Variants in CSMD3 observed in about 807,000 individuals in gnomAD.
CSMD3 encodes CUB and Sushi multiple domains 3.
CSMD3 carries 177 observed loss-of-function variants against 435.2 expected under a neutral mutation model. That is an observed-to-expected ratio of 0.41 (90% CI 0.36 to 0.46). The LOEUF is 0.46. Ranked by LOEUF, CSMD3 falls within the 20% of genes least tolerant of loss-of-function variation. CSMD3 has a pLI of 0.34. For missense variants in CSMD3, 4,265 were observed against 4,504.6 expected (o/e 0.95, Z 1.52); for synonymous variants, 1,656 against 1,520.5 (o/e 1.09, Z -2.07).
chr8:112,637,682 A>G (rs2074701040), intron 21 of CSMD3, among the ~76,000 whole-genome samples: 1 of 152,138 alleles, frequency 6.6e-6, no homozygotes, highest in Admixed American at 6.6e-5. Context: ...AAGAAGAAGT[A>G]GCTTATCTAA....
At chr8:112,758,815 T>C (rs2132137431) in intron 13 of CSMD3, among the ~76,000 whole-genome samples, 1 of 152,302 alleles carries the variant, frequency 6.6e-6, no homozygotes, top group South Asian at 2.1e-4. Context: ...AAGTGTTTGA[T>C]GAATACTAGT....
At chr8:112,355,172 C>G (rs1193509125) in intron 38 of CSMD3, among the ~76,000 whole-genome samples, 1 of 152,158 alleles carries the variant, frequency 6.6e-6, no homozygotes, top group African/African-American at 2.4e-5. Flanking sequence ...AAATAGACAC[C>G]TATCTCTCAC....
chr8:112,511,636 C>A lies in CSMD3; in HGVS notation c.4757-4807G>T, dbSNP rs1823150726. ...CGATTTCCTGACCTTGTGATCCGCT[C>A]GTCTCGGCCTCCCAAAGTGCTGGGA... On this transcript the variant is annotated intron_variant, in intron 28 of 70. Transcript: ENST00000297405. Among the ~76,000 whole-genome samples, 3 of 151,952 alleles carry A rather than the reference C, an allele frequency of 2.0e-5. No homozygotes were observed. The South Asian group carries it at 6.2e-4, about 32-fold the overall frequency.
At chr8:112,779,254 G>A (rs1176393118) in intron 13 of CSMD3, among the ~76,000 whole-genome samples, 1 of 151,420 alleles carries the variant, frequency 6.6e-6, no homozygotes, top group African/African-American at 2.4e-5. Flanking sequence ...TAATATGTGG[G>A]TTAATCTTTG....
intron 4 of CSMD3, among the ~76,000 whole-genome samples, chr8:113,162,211 A>AG (rs2092054606): frequency 6.6e-6 from 1 of 152,112 alleles, no homozygotes; most frequent in African/African-American, 2.4e-5. Flanking sequence ...CAAAGATTAG[A>AG]GAAAAAATGG....
rs183698744 is a variant in CSMD3, at chr8:112,939,596, A to G, written c.1508+8194T>C. Among the ~76,000 whole-genome samples the G allele has an allele frequency of 5.9e-5, 9 of 152,202 alleles. No homozygotes were observed. The East Asian group carries it at 1.4e-3, about 23-fold the overall frequency. On this transcript the variant is annotated intron_variant, in intron 9 of 70. Coordinates refer to ENST00000297405, the MANE Select transcript of CSMD3 (RefSeq NM_198123.2). The stretch of plus-strand genomic sequence containing the variant: ...ATCCCACGCTTTTACAGATGCAATG[A>G]CATACTTGTTTTGTAAAAAATACTA...
At chr8:112,672,016 A>G (rs1329449008) in intron 16 of CSMD3, among the ~76,000 whole-genome samples, 1 of 152,044 alleles carries the variant, frequency 6.6e-6, no homozygotes, top group Non-Finnish European at 1.5e-5. Flanking sequence ...ATTCTATGTG[A>G]TATTATATCT....
Position 112,830,739 on chromosome 8 carries a change from T to A in CSMD3, c.1756-950A>T, listed in dbSNP as rs577377629. On this transcript the variant is annotated intron_variant, in intron 11 of 70. Transcript: ENST00000297405. ...GCTACTTTGTTATTATAAAAATAAT[T>A]AAAAATAAAGGAATTTATATCTTGG... is the stretch of plus-strand genomic sequence containing the variant. 3.2e-3 allele frequency among the ~76,000 whole-genome samples: 486 copies of A among 151,796 alleles called. 1 individual carries two copies. The highest frequency in any genetic ancestry group is 6.8e-3 in the Middle Eastern group (2 of 294).
intron 10 of CSMD3, among the ~76,000 whole-genome samples, chr8:112,904,089 C>A (rs371820876): frequency 6.6e-6 from 1 of 151,262 alleles, no homozygotes; most frequent in Non-Finnish European, 1.5e-5. Flanking sequence ...TTTTCCCCCC[C>A]AGAGACATGA....
intron 32 of CSMD3, among the ~76,000 whole-genome samples, chr8:112,461,084 G>A (rs993378606): frequency 1.3e-5 from 2 of 152,048 alleles, no homozygotes; most frequent in Non-Finnish European, 2.9e-5. Flanking sequence ...TAAATCATAT[G>A]AGTCACCAAA....
intron 3 of CSMD3, among the ~76,000 whole-genome samples, chr8:113,192,722 T>C (rs2092603396): frequency 6.6e-6 from 1 of 151,624 alleles, no homozygotes; most frequent in Non-Finnish European, 1.5e-5. Flanking sequence ...AAAATCATGT[T>C]CAAGTTTTAT....
intron 32 of CSMD3, among the ~76,000 whole-genome samples, chr8:112,448,323 C>A (rs1815859094): frequency 6.6e-6 from 1 of 152,150 alleles, no homozygotes; most frequent in African/African-American, 2.4e-5. Flanking sequence ...CCCTATCCCC[C>A]AGTTCCATGG....
intron 1 of CSMD3, among the ~76,000 whole-genome samples, chr8:113,375,315 T>G (rs2133074027): frequency 6.6e-6 from 1 of 152,266 alleles, no homozygotes; most frequent in Admixed American, 6.5e-5. Flanking sequence ...TTGCTATCAG[T>G]CAGTTAACAA....
At chr8:112,954,111 C>T (rs777510531) in intron 8 of CSMD3, among the ~76,000 whole-genome samples, 12 of 151,240 alleles carry the variant, frequency 7.9e-5, no homozygotes, top group Non-Finnish European at 4.4e-5. Flanking sequence ...CTTCAGAGCC[C>T]TGATTTTGTA....
chr8:112,691,125 T>G (rs1292622150), intron 13 of CSMD3, among the ~76,000 whole-genome samples: 4 of 152,138 alleles, frequency 2.6e-5, no homozygotes, highest in Non-Finnish European at 2.9e-5. Context: ...TACTTTAACT[T>G]TTATTATACT....
chr8:112,361,465 GCAAT>G (rs1390999684), intron 38 of CSMD3, among the ~76,000 whole-genome samples: 3 of 150,044 alleles, frequency 2.0e-5, no homozygotes, highest in South Asian at 2.1e-4. Context: ...TGTTCACAAA[GCAAT>G]CAATCAATCT....
rs192257886 is a variant in CSMD3, at chr8:112,627,566, A to G, written c.3715+9251T>C. ...CCCAAACCTATCTTTGAACTTACCA[A>G]TTAGCAGTCAAATTTTGGCTTGTAA... On this transcript the variant is annotated intron_variant, in intron 22 of 70. Transcript: ENST00000297405. Among the ~76,000 whole-genome samples the G allele has an allele frequency of 3.8e-3, 578 of 152,306 alleles. 5 individuals are homozygous for G. The highest frequency in any genetic ancestry group is 0.013 in the African/African-American group (556 of 41,574).
chr8:113,121,643 G>A (rs1056704309), intron 4 of CSMD3, among the ~76,000 whole-genome samples: 2 of 151,890 alleles, frequency 1.3e-5, no homozygotes, highest in South Asian at 4.1e-4. Context: ...TATTCAAGAA[G>A]TAAATCCTTT....
chr8:112,336,388 T>C (rs113062973), intron 44 of CSMD3, among the ~76,000 whole-genome samples: 5 of 152,174 alleles, frequency 3.3e-5, no homozygotes, highest in African/African-American at 1.2e-4. Flanking sequence ...TTTTAGCACA[T>C]TAATTTAATA....
Sources: allele counts gnomAD v4.1 joint callset (sites outside exome capture counted in the v4.1 genomes callset), GRCh38; gene constraint gnomAD v4.1.1; transcripts MANE v1.5; gene names NCBI Gene and HGNC (gene_info 2026-07-23, HGNC 2026-07-21).